The following AGBL4 variants were observed in gnomAD, a reference collection of about 807,000 sequenced individuals.
AGBL4 encodes cytosolic carboxypeptidase 6.
A neutral mutation model predicts 66.4 loss-of-function variants in AGBL4; 58 were observed. The ratio of observed to expected loss-of-function variants is 0.87; its 90% CI spans 0.71 to 1.09. The LOEUF is 1.09. Among genes scored for constraint, AGBL4 ranks in the 50% least tolerant of loss-of-function variants. AGBL4 has a pLI of 0.00. For missense variants in AGBL4, 579 were observed against 631.0 expected, an observed-to-expected ratio of 0.92 and a Z score of 0.88; for synonymous variants, 234 against 222.9, an observed-to-expected ratio of 1.05 and a Z score of -0.44.
intron 3 of AGBL4, among the ~76,000 whole-genome samples, chr1:49,424,226 T>G (rs2148647055): frequency 1.3e-5 from 2 of 152,312 alleles, no homozygotes; most frequent in African/African-American, 4.8e-5. Flanking sequence ...AGATAGAGTC[T>G]GTCTATGCTT....
At chr1:49,293,826 T>C (rs1333298801) in intron 3 of AGBL4, among the ~76,000 whole-genome samples, 1 of 152,228 alleles carries the variant, frequency 6.6e-6, no homozygotes, top group African/African-American at 2.4e-5. Context: ...GCAGTTTCAT[T>C]GAAAATTTCT....
chr1:50,010,025 C>T (rs763556046), intron 1 of AGBL4, among the ~76,000 whole-genome samples: 6 of 151,968 alleles, frequency 3.9e-5, no homozygotes, highest in Admixed American at 3.9e-4. Context: ...AAAAGATATT[C>T]GGCCAGGCGC....
chr1:49,402,412 A>G (rs532191765), intron 3 of AGBL4, among the ~76,000 whole-genome samples: 2 of 152,040 alleles, frequency 1.3e-5, no homozygotes, highest in African/African-American at 4.8e-5. Flanking sequence ...TTTCTATTTT[A>G]TTCTTAATTT....
intron 3 of AGBL4, among the ~76,000 whole-genome samples, chr1:49,509,350 T>C (rs1256506642): frequency 6.6e-6 from 1 of 151,956 alleles, no homozygotes; most frequent in East Asian, 1.9e-4. Flanking sequence ...CTGTATTGAG[T>C]ATTTACATGC....
At chr1:49,845,230 G>A in intron 2 of AGBL4, 1 of 1,523,648 alleles carries the variant, frequency 6.6e-7, no homozygotes, top group African/African-American at 1.4e-5. Flanking sequence ...AATCCACACT[G>A]GGGAGAAACC....
chr1:49,982,739 A>T (rs1659168014), intron 1 of AGBL4, among the ~76,000 whole-genome samples: 1 of 152,120 alleles, frequency 6.6e-6, no homozygotes, highest in Non-Finnish European at 1.5e-5. Context: ...TAAAAACCCC[A>T]GACTCAGACG....
chr1:49,890,530 A>G (rs1648537279), intron 1 of AGBL4, among the ~76,000 whole-genome samples: 1 of 152,202 alleles, frequency 6.6e-6, no homozygotes, highest in Non-Finnish European at 1.5e-5. Flanking sequence ...CTTAATAAAT[A>G]TATAAGTAAA....
intron 5 of AGBL4, among the ~76,000 whole-genome samples, chr1:49,036,646 C>T (rs1664680776): frequency 6.6e-6 from 1 of 151,868 alleles, no homozygotes; most frequent in Non-Finnish European, 1.5e-5. Context: ...CCCAACAAAA[C>T]CTTGAACTCC....
intron 3 of AGBL4, among the ~76,000 whole-genome samples, chr1:49,485,385 C>T (rs1014118722): frequency 4.9e-5 from 7 of 143,308 alleles, no homozygotes; most frequent in African/African-American, 1.8e-4. Flanking sequence ...CATGTTCTCA[C>T]TCATAGGTGG....
intron 6 of AGBL4, among the ~76,000 whole-genome samples, chr1:48,854,630 C>G (rs17105008): frequency 0.013 from 1,976 of 152,260 alleles, 40 homozygotes; most frequent in African/African-American, 0.043. Flanking sequence ...TGCCAGGCCC[C>G]AGTTTATCCC....
intron 3 of AGBL4, among the ~76,000 whole-genome samples, chr1:49,628,632 C>T (rs911785084): frequency 2.6e-5 from 4 of 152,116 alleles, no homozygotes; most frequent in Non-Finnish European, 5.9e-5. Context: ...TCGACTCCTT[C>T]CTATCCTATC....
chr1:48,930,956 C>T (rs1249381230), intron 5 of AGBL4, among the ~76,000 whole-genome samples: 1 of 152,114 alleles, frequency 6.6e-6, no homozygotes, highest in Non-Finnish European at 1.5e-5. Context: ...ATAACAATGG[C>T]TATTATTTGT....
chr1:49,141,854 A>T (rs1388269738), intron 4 of AGBL4, among the ~76,000 whole-genome samples: 1 of 152,164 alleles, frequency 6.6e-6, no homozygotes, highest in Non-Finnish European at 1.5e-5. Context: ...GGGCTATAGA[A>T]CACTACAAAG....
chr1:49,848,966 A>C (rs1646230632), intron 2 of AGBL4, among the ~76,000 whole-genome samples: 1 of 152,186 alleles, frequency 6.6e-6, no homozygotes, highest in African/African-American at 2.4e-5. Flanking sequence ...GATACTATCA[A>C]ACATTTTTGA....
chr1:49,640,151 C>T (rs1371728050), intron 3 of AGBL4, among the ~76,000 whole-genome samples: 1 of 152,092 alleles, frequency 6.6e-6, no homozygotes, highest in Non-Finnish European at 1.5e-5. Flanking sequence ...TTGTTTCAAC[C>T]TCCAACAAAA....
intron 1 of AGBL4, among the ~76,000 whole-genome samples, chr1:49,898,378 TG>T (rs1557559654): frequency 6.6e-6 from 1 of 152,046 alleles, no homozygotes; most frequent in African/African-American, 2.4e-5. Flanking sequence ...TCAAATTCAT[TG>T]ATCATCAGAG....
At chr1:49,374,401 C>T (rs972548990) in intron 3 of AGBL4, 35 of 151,894 alleles carry the variant, frequency 2.3e-4, no homozygotes, top group African/African-American at 8.0e-4. Context: ...ATGCTTTCTC[C>T]ACCAACTTGG....
At chr1:49,966,150 G>T (rs527243907) in intron 1 of AGBL4, among the ~76,000 whole-genome samples, 2 of 152,050 alleles carry the variant, frequency 1.3e-5, no homozygotes, top group African/African-American at 4.8e-5. Flanking sequence ...CACCATGTTA[G>T]CCAGGGTGGT....
chr1:49,910,951 G>A (rs1451700158), intron 1 of AGBL4, among the ~76,000 whole-genome samples: 1 of 152,158 alleles, frequency 6.6e-6, no homozygotes, highest in Non-Finnish European at 1.5e-5. Context: ...CCTCCAGGCT[G>A]GGCAACAGAG....
Sources: allele counts gnomAD v4.1 joint callset (sites outside exome capture counted in the v4.1 genomes callset), GRCh38; gene constraint gnomAD v4.1.1; transcripts MANE v1.5; gene names NCBI Gene and HGNC (gene_info 2026-07-23, HGNC 2026-07-21).